Variants in RNLS observed in about 807,000 individuals in gnomAD.
The protein encoded by RNLS is renalase.
In RNLS, 39 loss-of-function variants were observed where a neutral mutation model predicts 39.8. That is an observed-to-expected ratio of 0.98 (90% CI 0.76 to 1.28). The LOEUF is 1.28. RNLS is among the 50% of genes most tolerant of loss of function. The probability of loss-of-function intolerance (pLI) is 0.00; values close to 1 mark genes in which losing one functional copy is unlikely to be tolerated. For synonymous variants in RNLS, 147 were observed against 150.7 expected, an observed-to-expected ratio of 0.98 and a Z score of 0.18; for missense variants, 410 against 413.3, an observed-to-expected ratio of 0.99 and a Z score of 0.07.
chr10:88,303,085 G>C lies in RNLS; in HGVS notation c.876+11381C>G, dbSNP rs560830642. ...CATTCCTGGCCACAGTGGCTCCAGG[G>C]GAATGGGTAAGTTAAACTGGCAAGG... On this transcript the variant is annotated intron_variant, in intron 6 of 6. Coordinates refer to ENST00000331772, the MANE Select transcript of RNLS (RefSeq NM_001031709.3). Among the ~76,000 whole-genome samples, 7 of 152,326 alleles carry C rather than the reference G, an allele frequency of 4.6e-5. No individual in the cohort carries two copies. In the East Asian group the frequency reaches 1.3e-3, roughly 29 times the overall value.
At chr10:88,309,477 C>T in intron 6 of RNLS, 2 of 1,289,586 alleles carry the variant, frequency 1.6e-6, no homozygotes, top group South Asian at 2.5e-5. Context: ...CAAACAAAAT[C>T]TGTAAGAAAA....
chr10:88,268,860 G>A, the RNLS span, among the ~76,000 whole-genome samples: 1 of 152,210 alleles, frequency 6.6e-6, no homozygotes, highest in Non-Finnish European at 1.5e-5. Context: ...TTTTACCTCT[G>A]AACCAGTTGG....
intron 5 of RNLS, among the ~76,000 whole-genome samples, chr10:88,358,982 A>C (rs893545031): frequency 6.6e-6 from 1 of 152,204 alleles, no homozygotes; most frequent in Non-Finnish European, 1.5e-5. Flanking sequence ...AACACCCCAC[A>C]TAAAGCAAGG....
At chr10:88,576,052 C>T (rs1183465311) in intron 3 of RNLS, among the ~76,000 whole-genome samples, 1 of 152,188 alleles carries the variant, frequency 6.6e-6, no homozygotes, top group Non-Finnish European at 1.5e-5. Context: ...TTCAGGTACC[C>T]ATGAAAATAT....
chr10:88,538,545 A>G (rs1354852818), intron 4 of RNLS, among the ~76,000 whole-genome samples: 7 of 151,666 alleles, frequency 4.6e-5, no homozygotes, highest in Admixed American at 6.6e-5. Context: ...ATAATAAAAT[A>G]CTCCTTAATT....
intron 5 of RNLS, among the ~76,000 whole-genome samples, chr10:88,355,197 G>C (rs1268642638): frequency 6.6e-6 from 1 of 152,150 alleles, no homozygotes; most frequent in Non-Finnish European, 1.5e-5. Context: ...ATCATCTGAA[G>C]CCTTCTTCTC....
chr10:88,272,292 C>T (rs2132576695), downstream of RNLS, among the ~76,000 whole-genome samples: 1 of 152,290 alleles, frequency 6.6e-6, no homozygotes, highest in Non-Finnish European at 1.5e-5. Context: ...TTCCATGTGT[C>T]AGCATTCTAA....
At chr10:88,363,353 T>C (rs1437068069) in intron 4 of RNLS, among the ~76,000 whole-genome samples, 1 of 152,036 alleles carries the variant, frequency 6.6e-6, no homozygotes, top group African/African-American at 2.4e-5. Context: ...GGCACATGAT[T>C]ACCTATGTAA....
chr10:88,563,625 A>G (rs1467620267), intron 4 of RNLS, among the ~76,000 whole-genome samples: 1 of 152,204 alleles, frequency 6.6e-6, no homozygotes, highest in Admixed American at 6.5e-5. Context: ...GGTTGGAAAG[A>G]ACAGAGTGAC....
intron 4 of RNLS, among the ~76,000 whole-genome samples, chr10:88,462,960 T>C (rs1843010716): frequency 6.6e-6 from 1 of 152,064 alleles, no homozygotes; most frequent in Non-Finnish European, 1.5e-5. Context: ...AAGTACATGA[T>C]GGATTTAATG....
intron 4 of RNLS, among the ~76,000 whole-genome samples, chr10:88,440,230 C>G (rs1475113435): frequency 2.6e-5 from 4 of 152,134 alleles, no homozygotes; most frequent in Admixed American, 2.6e-4. Flanking sequence ...CAAGCACCTC[C>G]ATGGATACAC....
At chr10:88,358,621 C>T (rs533111623) in intron 5 of RNLS, among the ~76,000 whole-genome samples, 1 of 152,192 alleles carries the variant, frequency 6.6e-6, no homozygotes, top group Admixed American at 6.5e-5. Context: ...CCACTGAACA[C>T]ATTTTGGGAA....
At chr10:88,218,893 C>T in the RNLS span, among the ~76,000 whole-genome samples, 1 of 152,160 alleles carries the variant, frequency 6.6e-6, no homozygotes, top group Non-Finnish European at 1.5e-5. Flanking sequence ...CTTTGCCAAA[C>T]TTTTCCCACA....
exon 7 of RNLS, chr10:88,274,728 T>C (rs921988150): frequency 2.4e-5 from 10 of 416,680 alleles, no homozygotes; most frequent in African/African-American, 4.0e-5. Flanking sequence ...CTGCAGATCA[T>C]ACAGCAATTC....
chr10:88,233,578 A>G, the RNLS span, among the ~76,000 whole-genome samples: 1 of 152,240 alleles, frequency 6.6e-6, no homozygotes, highest in Non-Finnish European at 1.5e-5. Flanking sequence ...ATCTGGGATA[A>G]GTACGTCCCA....
chr10:88,243,322 G>T, the RNLS span, among the ~76,000 whole-genome samples: 1 of 152,188 alleles, frequency 6.6e-6, no homozygotes, highest in South Asian at 2.1e-4. Context: ...CTGGCTTTCT[G>T]AACTTTTTGT....
At chr10:88,301,418 G>A (rs1327570157) in intron 6 of RNLS, among the ~76,000 whole-genome samples, 1 of 152,144 alleles carries the variant, frequency 6.6e-6, no homozygotes, top group African/African-American at 2.4e-5. Flanking sequence ...GTTTCCTGAT[G>A]TTGATAAATT....
chr10:88,542,043 T>C (rs1286815191), intron 4 of RNLS, among the ~76,000 whole-genome samples: 1 of 152,172 alleles, frequency 6.6e-6, no homozygotes, highest in Non-Finnish European at 1.5e-5. Context: ...GGACCAGTTA[T>C]ATGACTGTAA....
chr10:88,471,371 T>C (rs997400947), intron 4 of RNLS, among the ~76,000 whole-genome samples: 1 of 152,236 alleles, frequency 6.6e-6, no homozygotes, highest in Non-Finnish European at 1.5e-5. Flanking sequence ...GTCAATGTTA[T>C]GCCCATTTTA....
Sources: allele counts gnomAD v4.1 joint callset (sites outside exome capture counted in the v4.1 genomes callset), GRCh38; gene constraint gnomAD v4.1.1; transcripts MANE v1.5; gene names NCBI Gene and HGNC (gene_info 2026-07-23, HGNC 2026-07-21).